Variants in CPVL observed in about 807,000 individuals in gnomAD.
CPVL encodes carboxypeptidase vitellogenic like.
Under a neutral mutation model 63.7 loss-of-function variants are expected in CPVL, and 51 were observed. That is an observed-to-expected ratio of 0.80 (90% CI 0.64 to 1.01). The LOEUF is 1.01. CPVL is among the 50% of genes least tolerant of loss of function. CPVL has a pLI of 0.00. For missense variants in CPVL, 530 were observed against 573.1 expected (o/e 0.92, Z 0.77); for synonymous variants, 195 against 206.0 (o/e 0.95, Z 0.46).
At chr7:29,115,375 G>GA (rs1354401476) in intron 2 of CPVL, among the ~76,000 whole-genome samples, 1 of 151,988 alleles carries the variant, frequency 6.6e-6, no homozygotes, top group Non-Finnish European at 1.5e-5. Context: ...TCCTCCATCA[G>GA]AAAAAAAGCC....
intron 11 of CPVL, among the ~76,000 whole-genome samples, chr7:29,044,915 C>T (rs1028524815): frequency 3.9e-5 from 6 of 152,184 alleles, no homozygotes; most frequent in Non-Finnish European, 8.8e-5. Context: ...GTTTAAGTAA[C>T]TCTAGATGAA....
chr7:29,102,085 A>G (rs1787200316), intron 3 of CPVL, among the ~76,000 whole-genome samples: 1 of 152,322 alleles, frequency 6.6e-6, no homozygotes. Flanking sequence ...AGAATACTTT[A>G]TAGTTACGAG....
intron 5 of CPVL, among the ~76,000 whole-genome samples, chr7:29,173,130 CAAAAA>C (rs56379349): frequency 1.2e-5 from 1 of 80,164 alleles, no homozygotes. Flanking sequence ...GACTCTGTAT[CAAAAA>C]AAAAAAAAAA....
At chr7:29,186,705 C>T (rs1276392918) in intron 1 of CPVL, among the ~76,000 whole-genome samples, 3 of 152,010 alleles carry the variant, frequency 2.0e-5, no homozygotes, top group Admixed American at 1.3e-4. Context: ...AAAGACTTCT[C>T]AACTGACTAA....
intron 4 of CPVL, 74 bp from the exon 5 acceptor site, chr7:29,095,216 G>A (rs1786284318): frequency 8.3e-7 from 1 of 1,209,458 alleles, no homozygotes; most frequent in Non-Finnish European, 1.2e-6. Context: ...GTGGTCAGAA[G>A]CCCAACACAC....
intron 11 of CPVL, among the ~76,000 whole-genome samples, chr7:29,037,228 A>G (rs1286951121): frequency 3.3e-5 from 5 of 152,224 alleles, no homozygotes; most frequent in Admixed American, 2.6e-4. Flanking sequence ...TCTAGAGCTC[A>G]GTTTCTTCAT....
At chr7:29,134,814 T>C (rs1791025789) in intron 1 of CPVL, among the ~76,000 whole-genome samples, 1 of 152,064 alleles carries the variant, frequency 6.6e-6, no homozygotes, top group South Asian at 2.1e-4. Flanking sequence ...GCAGATAAAA[T>C]TCAGGGGAGA....
At chr7:29,069,427 C>T (rs1394344343) in intron 9 of CPVL, among the ~76,000 whole-genome samples, 7 of 113,308 alleles carry the variant, frequency 6.2e-5, no homozygotes, top group Admixed American at 2.4e-4. Context: ...GGCAAGAGAG[C>T]GAGACTCCGT....
chr7:29,048,529 A>T (rs1190652075), intron 11 of CPVL, among the ~76,000 whole-genome samples: 1 of 152,178 alleles, frequency 6.6e-6, no homozygotes, highest in Non-Finnish European at 1.5e-5. Context: ...TCCCAAATTT[A>T]TAAAACAATT....
intron 11 of CPVL, among the ~76,000 whole-genome samples, chr7:29,048,845 T>C (rs1789877850): frequency 6.6e-6 from 1 of 151,990 alleles, no homozygotes. Flanking sequence ...CACAGTGGGA[T>C]AAAACTGGAA....
At chr7:29,093,438 A>G (rs1259412134) in intron 5 of CPVL, among the ~76,000 whole-genome samples, 1 of 151,242 alleles carries the variant, frequency 6.6e-6, no homozygotes, top group Non-Finnish European at 1.5e-5. Context: ...GTAGTTGTAC[A>G]TTGTCTTCCT....
At chr7:29,128,955 C>T (rs939753334) in intron 1 of CPVL, among the ~76,000 whole-genome samples, 21 of 152,174 alleles carry the variant, frequency 1.4e-4, no homozygotes, top group Non-Finnish European at 2.1e-4. Flanking sequence ...GCTGGAGAGA[C>T]AGATAAAGCA....
intron 11 of CPVL, among the ~76,000 whole-genome samples, chr7:29,048,168 G>A (rs940842190): frequency 6.6e-6 from 1 of 151,934 alleles, no homozygotes; most frequent in East Asian, 1.9e-4. Flanking sequence ...AAAAAACAAG[G>A]TACACAGGCA....
upstream of CPVL, chr7:29,147,221 G>A: frequency 2.1e-6 from 1 of 481,500 alleles, no homozygotes; most frequent in South Asian, 2.6e-5. Flanking sequence ...AGGTTGCAAT[G>A]GCAAGTAGAT....
chr7:29,150,357 C>T (rs1793421129), upstream of CPVL, among the ~76,000 whole-genome samples: 1 of 152,122 alleles, frequency 6.6e-6, no homozygotes, highest in African/African-American at 2.4e-5. Flanking sequence ...TATAAAGGCT[C>T]AAAAAATGGC....
At chr7:29,186,219 A>G (rs17157612) in intron 2 of CPVL, among the ~76,000 whole-genome samples, 17,812 of 152,060 alleles carry the variant, frequency 0.12, 1,223 homozygotes, top group African/African-American at 0.18. Context: ...TGAGTTCCCC[A>G]GAGCCTGGCC....
chr7:29,141,112 T>A (rs370836967), intron 1 of CPVL, among the ~76,000 whole-genome samples: 1 of 152,224 alleles, frequency 6.6e-6, no homozygotes, highest in African/African-American at 2.4e-5. Context: ...CAATGTGCTT[T>A]GAGCTTCCCT....
chr7:29,004,226 G>A (rs1010447831), intron 12 of CPVL, among the ~76,000 whole-genome samples: 1 of 152,102 alleles, frequency 6.6e-6, no homozygotes, highest in African/African-American at 2.4e-5. Flanking sequence ...AGTGGAAGGG[G>A]CATTACTGCA....
chr7:29,108,179 C>G (rs1436084135), intron 3 of CPVL, among the ~76,000 whole-genome samples: 3 of 152,186 alleles, frequency 2.0e-5, no homozygotes, highest in African/African-American at 7.2e-5. Context: ...CTGGGCCTTT[C>G]CTCTTGGCCT....
Sources: allele counts gnomAD v4.1 joint callset (sites outside exome capture counted in the v4.1 genomes callset), GRCh38; gene constraint gnomAD v4.1.1; transcripts MANE v1.5; gene names NCBI Gene and HGNC (gene_info 2026-07-23, HGNC 2026-07-21).